Variants in RAP1GDS1 observed in about 807,000 individuals in gnomAD.
RAP1GDS1 encodes Rap1 GTPase-GDP dissociation stimulator 1, also known as RAP1, GTP-GDP dissociation stimulator 1.
RAP1GDS1 carries 35 observed loss-of-function variants against 71.1 expected under a neutral mutation model. The ratio of observed to expected loss-of-function variants is 0.49; its 90% confidence interval spans 0.38 to 0.65. The LOEUF is 0.65. RAP1GDS1 is among the 30% of genes least tolerant of loss of function. The probability of loss-of-function intolerance (pLI) is 0.00; values close to 1 mark genes in which losing one functional copy is unlikely to be tolerated. For missense variants in RAP1GDS1, 663 were observed against 706.1 expected (o/e 0.94, Z 0.69); for synonymous variants, 229 against 243.1 (o/e 0.94, Z 0.54).
chr4:98,359,797 A>G (rs1212968568), intron 4 of RAP1GDS1, among the ~76,000 whole-genome samples: 1 of 152,188 alleles, frequency 6.6e-6, no homozygotes, highest in Non-Finnish European at 1.5e-5. Flanking sequence ...ATTGGAATGG[A>G]CAGAGATGTG....
chr4:98,349,443 A>T (rs7678942), intron 3 of RAP1GDS1, among the ~76,000 whole-genome samples: 2 of 151,964 alleles, frequency 1.3e-5, no homozygotes, highest in Admixed American at 1.3e-4. Flanking sequence ...TTGACTTGGC[A>T]ATGTGGGCTC....
At chr4:98,322,987 GTT>G (rs1732219755) in intron 2 of RAP1GDS1, among the ~76,000 whole-genome samples, 1 of 149,822 alleles carries the variant, frequency 6.7e-6, no homozygotes, top group African/African-American at 2.5e-5. Context: ...CCAGGAGCTG[GTT>G]TTTTGAAAGG....
At chr4:98,275,093 T>G (rs1364274988) in intron 1 of RAP1GDS1, among the ~76,000 whole-genome samples, 1 of 151,884 alleles carries the variant, frequency 6.6e-6, no homozygotes, top group African/African-American at 2.4e-5. Context: ...TTGTTTTATA[T>G]TTTCCTGATT....
Position 98,442,827 on chromosome 4 carries a change from ACT to A in RAP1GDS1, c.*711_*712del. On this transcript the variant is annotated 3_prime_UTR_variant, in exon 15 of 15. Coordinates refer to ENST00000408927, the MANE Select transcript of RAP1GDS1 (RefSeq NM_001100427.2). The stretch of plus-strand genomic sequence containing the variant: ...TGTGAAACTAAGGGGTTGAAGAATC[ACT>A]ATTACAATCCCTATTACAGAGCATT... The A allele has an allele frequency of 8.7e-6, 2 of 230,316 alleles. No individual in the cohort carries two copies. The highest frequency in any genetic ancestry group is 1.7e-5 in the Non-Finnish European group (2 of 116,250). The allele number at this position is 230,316 out of a possible 1,614,324, so 14.3% of individuals were successfully genotyped here.
chr4:98,383,960 T>G (rs1424883912), intron 5 of RAP1GDS1, among the ~76,000 whole-genome samples: 1 of 151,594 alleles, frequency 6.6e-6, no homozygotes, highest in Non-Finnish European at 1.5e-5. Flanking sequence ...TAAACTTTAC[T>G]TACTGTGGTT....
chr4:98,324,296 C>T (rs1732542462), intron 2 of RAP1GDS1, among the ~76,000 whole-genome samples: 1 of 151,754 alleles, frequency 6.6e-6, no homozygotes, highest in African/African-American at 2.4e-5. Context: ...GAAGAACATT[C>T]CATGCTCATG....
chr4:98,336,384 G>C (rs1734727549), intron 2 of RAP1GDS1, among the ~76,000 whole-genome samples: 1 of 152,124 alleles, frequency 6.6e-6, no homozygotes, highest in African/African-American at 2.4e-5. Context: ...CAAACTAGCA[G>C]ATCTCCCTGC....
At chr4:98,278,223 C>A (rs375900614) in intron 1 of RAP1GDS1, among the ~76,000 whole-genome samples, 1 of 151,950 alleles carries the variant, frequency 6.6e-6, no homozygotes, top group African/African-American at 2.4e-5. Flanking sequence ...TGTACAATAC[C>A]CTAGGCTGCA....
intron 10 of RAP1GDS1, 107 bp downstream of exon 10, chr4:98,418,898 A>C: frequency 8.7e-7 from 1 of 1,149,204 alleles, no homozygotes; most frequent in African/African-American, 1.6e-5. Flanking sequence ...AGAAAATTTA[A>C]AAAAAAATAG....
At chr4:98,341,384 G>A (rs576870705) in intron 2 of RAP1GDS1, among the ~76,000 whole-genome samples, 4 of 152,322 alleles carry the variant, frequency 2.6e-5, no homozygotes, top group South Asian at 2.1e-4. Flanking sequence ...GCAAGAGTTA[G>A]CATTGTTTTG....
intron 1 of RAP1GDS1, among the ~76,000 whole-genome samples, chr4:98,285,875 AAAT>A (rs545293176): frequency 0.014 from 2,063 of 146,316 alleles, 42 homozygotes; most frequent in African/African-American, 0.049. Context: ...TTTAAATTAT[AAAT>A]AATAAATAAT....
chr4:98,362,871 A>G (rs1738949471), intron 4 of RAP1GDS1, among the ~76,000 whole-genome samples: 1 of 152,208 alleles, frequency 6.6e-6, no homozygotes, highest in South Asian at 2.1e-4. Flanking sequence ...TATACATACT[A>G]CAATTAAATC....
intron 7 of RAP1GDS1, among the ~76,000 whole-genome samples, chr4:98,412,007 A>G (rs1366589809): frequency 6.6e-6 from 1 of 152,192 alleles, no homozygotes; most frequent in Non-Finnish European, 1.5e-5. Context: ...ATTCTGAGAT[A>G]ATATTCAAAA....
chr4:98,432,579 G>A (rs1040546041), intron 12 of RAP1GDS1, among the ~76,000 whole-genome samples: 2 of 152,074 alleles, frequency 1.3e-5, no homozygotes, highest in African/African-American at 4.8e-5. Flanking sequence ...CACTAAACAA[G>A]TTTGGGCTCA....
At chr4:98,412,659 A>G (rs1747241226) in intron 7 of RAP1GDS1, among the ~76,000 whole-genome samples, 1 of 152,112 alleles carries the variant, frequency 6.6e-6, no homozygotes, top group South Asian at 2.1e-4. Flanking sequence ...CTATTGGGGG[A>G]ACCAGCCCCC....
At position 98,339,335 on chromosome 4, in the gene RAP1GDS1, G is replaced by A. The variant is rs115265215; in HGVS notation, c.113-3804G>A. Among the ~76,000 whole-genome samples the A allele has an allele frequency of 9.1e-3, 1,391 of 152,212 alleles. 23 individuals are homozygous for A. The highest frequency in any genetic ancestry group is 0.032 in the African/African-American group (1,319 of 41,536). On this transcript the variant is annotated intron_variant, in intron 2 of 14. Transcript: ENST00000408927. Reference sequence around the variant, plus strand: ...TACTATTTTAAAGTAGCAATTGCCCGTCTTATATGGGTCCTCAAAATTCAA... The same window carrying A: ...TACTATTTTAAAGTAGCAATTGCCCATCTTATATGGGTCCTCAAAATTCAA...
At chr4:98,311,937 C>G (rs1730288602) in intron 2 of RAP1GDS1, among the ~76,000 whole-genome samples, 1 of 152,174 alleles carries the variant, frequency 6.6e-6, no homozygotes, top group South Asian at 2.1e-4. Context: ...CTGCAGTTAG[C>G]TTCATTTTTA....
At chr4:98,320,681 G>T (rs1731705611) in intron 2 of RAP1GDS1, among the ~76,000 whole-genome samples, 2 of 151,036 alleles carry the variant, frequency 1.3e-5, no homozygotes, top group African/African-American at 2.4e-5. Context: ...CACACGGCAG[G>T]GTATTCCAAC....
chr4:98,266,640 A>G (rs1036559104), intron 1 of RAP1GDS1, among the ~76,000 whole-genome samples: 30 of 152,308 alleles, frequency 2.0e-4, no homozygotes, highest in African/African-American at 7.2e-4. Context: ...AAAAAAGCAT[A>G]GATGCTAGCT....
Sources: allele counts gnomAD v4.1 joint callset (sites outside exome capture counted in the v4.1 genomes callset), GRCh38; gene constraint gnomAD v4.1.1; transcripts MANE v1.5; gene names NCBI Gene and HGNC (gene_info 2026-07-23, HGNC 2026-07-21).